Variants in PDK4 observed in about 807,000 individuals in gnomAD.
The protein encoded by PDK4 is pyruvate dehydrogenase kinase 4.
Under a neutral mutation model 51.7 loss-of-function variants are expected in PDK4, and 43 were observed. That is an observed-to-expected ratio of 0.83 (90% CI 0.65 to 1.07). The LOEUF (loss-of-function observed/expected upper bound fraction) is 1.07, where lower values mean the gene tolerates loss of function less well. PDK4 is among the 50% of genes least tolerant of loss of function. PDK4 has a pLI of 0.00. For synonymous variants in PDK4, 170 were observed against 176.6 expected (o/e 0.96, Z 0.30); for missense variants, 498 against 503.5 (o/e 0.99, Z 0.10).
chr7:95,595,885 T>C (rs1040851656), intron 1 of PDK4, among the ~76,000 whole-genome samples: 3 of 152,274 alleles, frequency 2.0e-5, no homozygotes, highest in East Asian at 3.9e-4. Context: ...GCAAAAAGTA[T>C]TTTGACTGGA....
At chr7:95,587,154 A>G in intron 9 of PDK4, 31 bp from the exon 10 acceptor site, 1 of 1,266,010 alleles carries the variant, frequency 7.9e-7, no homozygotes, top group Non-Finnish European at 1.2e-6. Flanking sequence ...CAGGTAAAGA[A>G]GTGTATGTGA....
In PDK4 at chr7:95,596,307, C is replaced by T. The variant is rs1050474179; in HGVS notation, c.-14G>A. On this transcript the variant is annotated 5_prime_UTR_variant, in exon 1 of 11. Coordinates refer to ENST00000005178, the MANE Select transcript of PDK4 (RefSeq NM_002612.4). ...GGCCGCCTTCATCTTGACGCCCACC[C>T]GGCCTGGCGGGGACTGTGGCTGGCT... 3.2e-6 allele frequency: 5 copies of T among 1,562,228 alleles called. No homozygotes were observed. The highest frequency in any genetic ancestry group is 3.5e-6 in the Non-Finnish European group (4 of 1,155,120).
Position 95,596,312 on chromosome 7 carries a change from TG to T in PDK4, c.-20del. The stretch of plus-strand genomic sequence containing the variant: ...CCTTCATCTTGACGCCCACCCGGCC[TG>T]GCGGGGACTGTGGCTGGCTTGAGGG... On this transcript the variant is annotated 5_prime_UTR_variant, in exon 1 of 11. Transcript: ENST00000005178. 6.4e-7 allele frequency: 1 copy of T among 1,558,166 alleles called. No homozygotes were observed. Among genetic ancestry groups the T allele is most frequent in the Non-Finnish European group, 8.7e-7 (1 of 1,153,082 alleles).
Position 95,592,983 on chromosome 7 carries a change from C to T in PDK4, c.345-39G>A, listed in dbSNP as rs761299785. On this transcript the variant is annotated intron_variant, in intron 3 of 10. Transcript: ENST00000005178. ...TTTATGGTTAGTAAAAGTTCAAATACGTTTCATTCACTTATACTCCTAAGG... is the reference window on the plus strand; with the variant it reads ...TTTATGGTTAGTAAAAGTTCAAATATGTTTCATTCACTTATACTCCTAAGG... 29 of 1,407,520 alleles carry T rather than the reference C, an allele frequency of 2.1e-5. No individual in the cohort carries two copies. The East Asian group carries it at 2.5e-4, about 12-fold the overall frequency. The allele number at this position is 1,407,520 out of a possible 1,614,324, so 87.2% of individuals were successfully genotyped here.
chr7:95,593,148 T>G (rs1249699740), intron 3 of PDK4, among the ~76,000 whole-genome samples: 1 of 152,176 alleles, frequency 6.6e-6, no homozygotes, highest in Non-Finnish European at 1.5e-5. Flanking sequence ...CAGACTCATT[T>G]TGTTTCTAGC....
At chr7:95,590,238 A>G (rs1791535725) in intron 6 of PDK4, among the ~76,000 whole-genome samples, 1 of 152,206 alleles carries the variant, frequency 6.6e-6, no homozygotes, top group Non-Finnish European at 1.5e-5. Context: ...CTGTGCTTAT[A>G]GCATAATATT....
rs112312887 is a variant in PDK4 at position 95,589,639 on chromosome 7, C to T, written c.771+1G>A. The T allele has an allele frequency of 6.8e-7, 1 of 1,464,578 alleles. No individual in the cohort carries two copies. Among genetic ancestry groups the T allele is most frequent in the Non-Finnish European group, 9.6e-7 (1 of 1,046,946 alleles). 90.7% of individuals were successfully genotyped at this position (1,464,578 alleles called of 1,614,324 possible). ...ATTTCAATTATTGTGAAGTATCATA[C>T]CTTAAATAGTTCAAAGAGCATATGA... On this transcript the variant is annotated splice_donor_variant, in intron 7 of 10. Transcript: ENST00000005178. LOFTEE classifies it high-confidence loss of function.
At chr7:95,589,145 T>C (rs1791521604) in intron 7 of PDK4, among the ~76,000 whole-genome samples, 1 of 152,208 alleles carries the variant, frequency 6.6e-6, no homozygotes, top group African/African-American at 2.4e-5. Context: ...AGGTGATTCA[T>C]ATGCACTTTA....
At chr7:95,592,299 G>T (rs1035451297) in intron 5 of PDK4, among the ~76,000 whole-genome samples, 1 of 152,092 alleles carries the variant, frequency 6.6e-6, no homozygotes, top group African/African-American at 2.4e-5. Flanking sequence ...AATATGGCAT[G>T]TTAGTCACTT....
chr7:95,587,241 A>G (rs896814174), intron 9 of PDK4, 118 bp from the exon 10 acceptor site: 9 of 715,188 alleles, frequency 1.3e-5, no homozygotes, highest in Admixed American at 1.0e-4. Flanking sequence ...AATATCTTCT[A>G]CTTCCAATCA....
Position 95,584,354 on chromosome 7 carries a change from C to G in PDK4, c.*1287G>C, listed in dbSNP as rs1791451714. The stretch of plus-strand genomic sequence containing the variant: ...CCTTTCTTTCCTTCCTGCCTTCTTT[C>G]ATTTTTCCATTTCTTCTTCTCTAAG... On this transcript the variant is annotated 3_prime_UTR_variant, in exon 11 of 11. Transcript: ENST00000005178. 6.6e-6 allele frequency: 1 copy of G among 152,108 alleles called. No individual in the cohort carries two copies. Among genetic ancestry groups the G allele is most frequent in the African/African-American group, 2.4e-5 (1 of 41,438 alleles). 9.4% of individuals were successfully genotyped at this position (152,108 alleles called of 1,614,324 possible). A position where few individuals can be genotyped will look rare whatever the true frequency, so the allele number is the denominator to read the frequency against.
At chr7:95,593,152 T>C (rs1791573744) in intron 3 of PDK4, among the ~76,000 whole-genome samples, 1 of 152,110 alleles carries the variant, frequency 6.6e-6, no homozygotes. Context: ...CTCATTTTGT[T>C]TCTAGCTTAT....
chr7:95,584,082 T>C lies in PDK4; in HGVS notation c.*1559A>G, dbSNP rs1438555307. 1 of 152,192 alleles carries C rather than the reference T, an allele frequency of 6.6e-6. No homozygotes were observed. Among genetic ancestry groups the C allele is most frequent in the Admixed American group, 6.5e-5 (1 of 15,282 alleles). 9.4% of individuals were successfully genotyped at this position (152,192 alleles called of 1,614,324 possible). ...AACATATAAACCATACTGATTATTT[T>C]ACAATGCAGAAAAATCCTCCTTTTT... is the stretch of plus-strand genomic sequence containing the variant. On this transcript the variant is annotated 3_prime_UTR_variant, in exon 11 of 11. Transcript: ENST00000005178.
Position 95,593,790 on chromosome 7 carries a change from C to T in PDK4, c.273-20G>A. On this transcript the variant is annotated intron_variant, in intron 2 of 10. Coordinates refer to ENST00000005178, the MANE Select transcript of PDK4 (RefSeq NM_002612.4). ...ATATACCTGTAAAGAAACAGGTATG[C>T]TTTAAGTTTTAAAATTAATAGTCAG... 1 of 1,211,094 alleles carries T rather than the reference C, an allele frequency of 8.3e-7. No individual in the cohort carries two copies. Among genetic ancestry groups the T allele is most frequent in the East Asian group, 2.4e-5 (1 of 41,540 alleles). 75.0% of individuals were successfully genotyped at this position (1,211,094 alleles called of 1,614,324 possible). A position where few individuals can be genotyped will look rare whatever the true frequency, so the allele number is the denominator to read the frequency against.
chr7:95,587,696 G>T, intron 8 of PDK4, 31 bp downstream of exon 8: 1 of 1,453,496 alleles, frequency 6.9e-7, no homozygotes, highest in Non-Finnish European at 9.7e-7. Context: ...TCTCTCAAGA[G>T]ACACCCAAAA....
rs1030573306 is a variant in PDK4, at chr7:95,587,090, G to C, written c.1015C>G (p.Leu339Val). 9 of 1,611,852 alleles carry C rather than the reference G, an allele frequency of 5.6e-6. No homozygotes were observed. The highest frequency in any genetic ancestry group is 7.6e-6 in the Non-Finnish European group (9 of 1,178,196). The change falls in exon 10 of 11, where the codon CTG becomes GTG. Residue 339 changes from leucine to valine, a missense_variant. Leu to Val is a conservative substitution (Grantham distance 32). Coordinates refer to ENST00000005178, the MANE Select transcript of PDK4 (RefSeq NM_002612.4). ...GFGYGLPISR[L>V]YAKYFQGDLN... is the part of the protein sequence containing the mutation. ...TCTCCTTGAAAGTACTTTGCATACA[G>C]ACGAGAAATTGGCAAGCCGTAACCA...
At chr7:95,589,381 TAAG>T (rs997668173) in intron 7 of PDK4, among the ~76,000 whole-genome samples, 2 of 152,188 alleles carry the variant, frequency 1.3e-5, no homozygotes, top group African/African-American at 4.8e-5. Flanking sequence ...GAAAAAATAA[TAAG>T]AACTTCCTCT....
Position 95,587,717 on chromosome 7 carries a change from G to T in PDK4, c.870+10C>A. On this transcript the variant is annotated intron_variant, in intron 8 of 10. Transcript: ENST00000005178. ...AAGAGACACCCAAAAGGAAAACAGA[G>T]AATGGTTACCTTAATGGTAAGGTCT... 6.4e-7 allele frequency: 1 copy of T among 1,561,340 alleles called. No homozygotes were observed. The highest frequency in any genetic ancestry group is 8.8e-7 in the Non-Finnish European group (1 of 1,131,940).
In PDK4 at chr7:95,596,406, G is replaced by T. The variant is rs970809415; in HGVS notation, c.-113C>A. On this transcript the variant is annotated 5_prime_UTR_variant, in exon 1 of 11. Coordinates refer to ENST00000005178, the MANE Select transcript of PDK4 (RefSeq NM_002612.4). ...GCGCGTCCGGGCGAGGACTGCAGGT[G>T]CGCTGGCTGGCTTGTGCGCCCCGGC... 3 of 1,228,802 alleles carry T rather than the reference G, an allele frequency of 2.4e-6. No individual in the cohort carries two copies. Among genetic ancestry groups the T allele is most frequent in the Non-Finnish European group, 2.2e-6 (2 of 929,006 alleles). The allele number at this position is 1,228,802 out of a possible 1,614,324, so 76.1% of individuals were successfully genotyped here.
Sources: gnomAD v4.1 joint callset for allele counts (sites outside exome capture counted in the v4.1 genomes callset) on GRCh38, gnomAD v4.1.1 for gene constraint, MANE v1.5 for transcripts, NCBI Gene and HGNC (gene_info 2026-07-23, HGNC 2026-07-21) for gene names.